APOB: variants seen among roughly 807,000 people sequenced by gnomAD.
APOB encodes apolipoprotein B, also known as apolipoprotein B-100.
In APOB, 153 loss-of-function variants were observed where a neutral mutation model predicts 314.1. That is an observed-to-expected ratio of 0.49 (90% confidence interval 0.43 to 0.56). The LOEUF (loss-of-function observed/expected upper bound fraction) is 0.56. Among genes scored for constraint, APOB ranks in the 20% least tolerant of loss-of-function variants. The pLI is 0.00. For missense variants in APOB, 5,430 were observed against 5,350.7 expected, an observed-to-expected ratio of 1.01 and a Z score of -0.46; for synonymous variants, 2,087 against 2,036.4, an observed-to-expected ratio of 1.02 and a Z score of -0.67.
At chr2:21,031,076 A>G (rs937149487) in intron 10 of APOB, among the ~76,000 whole-genome samples, 1 of 152,252 alleles carries the variant, frequency 6.6e-6, no homozygotes, top group African/African-American at 2.4e-5. Flanking sequence ...TAGAACTACC[A>G]ATAAATCCAA....
intron 20 of APOB, among the ~76,000 whole-genome samples, chr2:21,018,520 T>C (rs1663529282): frequency 6.6e-6 from 1 of 152,218 alleles, no homozygotes; most frequent in Non-Finnish European, 1.5e-5. Context: ...TCAGGGCCTT[T>C]GCACTTGCTG....
chr2:21,027,794 A>G lies in APOB; in HGVS notation c.2067+34T>C, dbSNP rs373455738. The G allele has an allele frequency of 2.4e-5, 37 of 1,524,474 alleles. No individual in the cohort carries two copies. The African/African-American group carries it at 4.7e-4, about 19-fold the overall frequency. The allele number at this position is 1,524,474 out of a possible 1,614,324, so 94.4% of individuals were successfully genotyped here. A position where few individuals can be genotyped will look rare whatever the true frequency, so the allele number is the denominator to read the frequency against. ...CTCTCTGTTTATGATGCTGTACAAA[A>G]TGGGCTAGAGAACCTCAAACTCTTC... On this transcript the variant is annotated intron_variant, in intron 14 of 28. Coordinates refer to ENST00000233242, the MANE Select transcript of APOB (RefSeq NM_000384.3).
chr2:21,007,617 TGCTGG>T lies in APOB; in HGVS notation c.9246_9250del (p.Gln3083SerfsTer8). 6.2e-7 allele frequency: 1 copy of T among 1,614,094 alleles called. No homozygotes were observed. The highest frequency in any genetic ancestry group is 8.5e-7 in the Non-Finnish European group (1 of 1,179,946). On this transcript the variant is annotated frameshift_variant, in exon 26 of 29. Coordinates refer to ENST00000233242, the MANE Select transcript of APOB (RefSeq NM_000384.3). LOFTEE classifies it high-confidence loss of function. ...CCTAGCACTTACTTGCCAACTTGCT[TGCTGG>T]GCACTGGGACTCAGAAACAGTGCAT...
Position 21,024,957 on chromosome 2 carries a change from G to A in APOB, c.2412C>T (p.Arg804=), listed in dbSNP as rs755974543. The change falls in exon 16 of 29, where the codon CGC becomes CGT. Residue 804 remains arginine (R), a synonymous_variant. Transcript: ENST00000233242. ...CCATCTGGGGGATCCCCTGCAGAGTGCGGGCACCCATCAGAAGCAGCTTTC... is the reference window on the plus strand; with the variant it reads ...CCATCTGGGGGATCCCCTGCAGAGTACGGGCACCCATCAGAAGCAGCTTTC... ...LLGKLLLMGA[R]TLQGIPQMIG... 1.4e-5 allele frequency: 23 copies of A among 1,614,046 alleles called. No homozygotes were observed. In the Middle Eastern group the frequency reaches 4.9e-4, roughly 35 times the overall value.
chr2:21,035,640 C>A lies in APOB; in HGVS notation c.762G>T (p.Lys254Asn), dbSNP rs775651131. Residue 254 changes from lysine (K) to asparagine (N), a missense_variant, in exon 7 of 29, where the codon AAG (lysine) becomes AAT (asparagine). Physicochemically the swap from Lys to Asn is moderately conservative, Grantham distance 94 (BLOSUM62 0). Around this residue, in one of 3 missense-constraint regions of APOB, gnomAD observed 2,085 missense variants for 2,079.7 expected, o/e 1.00. Transcript: ENST00000233242. ...CCTTGCAGATGGCTTCTGCCACATG[C>A]TTCCTCTTAGCGTCCAGTGTGTACT... is the stretch of plus-strand genomic sequence containing the variant. The part of the protein sequence containing the change: ...SCQYTLDAKR[K>N]HVAEAICKEQ... 1 of 1,614,166 alleles carries A rather than the reference C, an allele frequency of 6.2e-7. No individual in the cohort carries two copies. Among genetic ancestry groups the A allele is most frequent in the East Asian group, 2.2e-5 (1 of 44,876 alleles).
chr2:21,020,499 CT>C (rs1281325561), intron 18 of APOB, among the ~76,000 whole-genome samples: 3 of 152,192 alleles, frequency 2.0e-5, no homozygotes, highest in Non-Finnish European at 2.9e-5. Context: ...TAATGCCCTC[CT>C]TGCTCCTACA....
rs139929439 is a variant in APOB at position 21,006,392 on chromosome 2, A to T, written c.10476T>A (p.Ile3492=). The change falls in exon 26 of 29, where the codon ATT becomes ATA. Residue 3492 remains isoleucine (I), a synonymous_variant. Coordinates refer to ENST00000233242, the MANE Select transcript of APOB (RefSeq NM_000384.3). ...SLESLTSYFS[I]ESSTKGDVKG... The stretch of plus-strand genomic sequence containing the variant: ...TGACATCTCCTTTGGTAGATGACTC[A>T]ATGGAAAAGTAAGAGGTGAGGCTTT... 64 of 1,614,074 alleles carry T rather than the reference A, an allele frequency of 4.0e-5. No individual in the cohort carries two copies. The African/African-American group carries it at 7.6e-4, about 19-fold the overall frequency.
Position 21,002,598 on chromosome 2 carries a change from T to A in APOB, c.12824A>T (p.Asp4275Val), listed in dbSNP as rs145807061. The A allele has an allele frequency of 6.2e-7, 1 of 1,613,986 alleles. No individual in the cohort carries two copies. Among genetic ancestry groups the A allele is most frequent in the Non-Finnish European group, 8.5e-7 (1 of 1,179,988 alleles). Reference protein sequence around the residue: ...VISMYRELLKDLSKEAQEVFK... With the variant: ...VISMYRELLKVLSKEAQEVFK... ...TACCTCTTGGGCTTCTTTTGATAAATCTTTCAACAGTTCCCTATACATCGA... is the reference window on the plus strand; with the variant it reads ...TACCTCTTGGGCTTCTTTTGATAAAACTTTCAACAGTTCCCTATACATCGA... Residue 4275 changes from aspartate to valine, a missense_variant, in exon 29 of 29, where the codon GAT becomes GTT. Asp to Val is a radical substitution (Grantham distance 152, BLOSUM62 -3). Around this residue, in one of 3 missense-constraint regions of APOB, gnomAD observed 3,281 missense variants for 3,171.0 expected, o/e 1.03. Transcript: ENST00000233242.
Position 21,032,525 on chromosome 2 carries a change from A to G in APOB, c.1181T>C (p.Ile394Thr). Residue 394 changes from isoleucine (I) to threonine (T), a missense_variant, in exon 10 of 29, where the codon ATC (isoleucine) becomes ACC (threonine). This residue lies in a region of APOB where 2,085 missense variants were observed against 2,079.7 expected (regional missense o/e 1.00). Coordinates refer to ENST00000233242, the MANE Select transcript of APOB (RefSeq NM_000384.3). The stretch of plus-strand genomic sequence containing the variant: ...ATGCACACGTTTCAGCCACTGGAGG[A>G]TGTGAGTGGAGCACTGAGGCTGTCC... ...QCGQPQCSTH[I>T]LQWLKRVHAN... is the part of the protein sequence containing the mutation. 2 of 1,614,192 alleles carry G rather than the reference A, an allele frequency of 1.2e-6. No homozygotes were observed. Among genetic ancestry groups the G allele is most frequent in the Non-Finnish European group, 1.7e-6 (2 of 1,180,048 alleles).
intron 20 of APOB, among the ~76,000 whole-genome samples, chr2:21,016,852 T>C (rs1245925597): frequency 1.8e-4 from 28 of 151,924 alleles, no homozygotes; most frequent in South Asian, 4.2e-4. Context: ...GGCGCGTTGG[T>C]GGGTGCCTGT....
rs764360150 is a variant in APOB at position 21,009,384 on chromosome 2, C to A, written c.7484G>T (p.Trp2495Leu). The stretch of plus-strand genomic sequence containing the variant: ...TGCTGAACTTAAAGCCTCCTGTAAC[C>A]AATTGATGATTAAGGTTATTTTGGT... ...QDTKITLIIN[W>L]LQEALSSASL... The change falls in exon 26 of 29, where the codon TGG becomes TTG. Residue 2495 changes from tryptophan to leucine, a missense_variant. Transcript: ENST00000233242. The A allele has an allele frequency of 2.5e-6, 4 of 1,614,052 alleles. No homozygotes were observed. The East Asian group carries it at 8.9e-5, about 36-fold the overall frequency.
Position 21,006,358 on chromosome 2 carries a change from C to A in APOB, c.10510G>T (p.Val3504Phe), listed in dbSNP as rs138158833. ...SSTKGDVKGS[V>F]LSREYSGTIA... is the part of the protein sequence containing the mutation. ...GTTCCTGAATATTCCCGAGAAAGAA[C>A]CGAACCCTTGACATCTCCTTTGGTA... The change falls in exon 26 of 29, where the codon GTT (valine) becomes TTT (phenylalanine). Residue 3504 changes from valine to phenylalanine, a missense_variant. Coordinates refer to ENST00000233242, the MANE Select transcript of APOB (RefSeq NM_000384.3). 6.2e-7 allele frequency: 1 copy of A among 1,614,002 alleles called. No homozygotes were observed. Among genetic ancestry groups the A allele is most frequent in the Non-Finnish European group, 8.5e-7 (1 of 1,179,946 alleles).
At position 21,023,607 on chromosome 2, in the gene APOB, C is replaced by T. The variant is rs1245396413; in HGVS notation, c.2522G>A (p.Gly841Glu). The change falls in exon 17 of 29, where the codon GGA (glycine) becomes GAA (glutamate). Residue 841 changes from glycine (G) to glutamate (E), a missense_variant. Around this residue, in one of 3 missense-constraint regions of APOB, gnomAD observed 2,085 missense variants for 2,079.7 expected, o/e 1.00. Transcript: ENST00000233242. ...FMENAFELPTGAGLQLQISSS... is the reference protein window; with the variant it reads ...FMENAFELPTEAGLQLQISSS... ...AGATATTTGCAACTGTAATCCAGCTCCAGTGGGGAGTTCAAAGGCATTCTC... is the reference window on the plus strand; with the variant it reads ...AGATATTTGCAACTGTAATCCAGCTTCAGTGGGGAGTTCAAAGGCATTCTC... 6.2e-7 allele frequency: 1 copy of T among 1,614,014 alleles called. No homozygotes were observed. Among genetic ancestry groups the T allele is most frequent in the Non-Finnish European group, 8.5e-7 (1 of 1,180,022 alleles).
At position 21,003,176 on chromosome 2, in the gene APOB, A is replaced by G. The variant is rs1265226204; in HGVS notation, c.12246T>C (p.Tyr4082=). ...DNVPKATGVL[Y]DYVNKYHWEH... is the part of the protein sequence containing the mutation. ...CCCAGTGGTACTTGTTGACATAATC[A>G]TAAAGGACCCCTGTGGCCTTGGGCA... Residue 4082 remains tyrosine (Y), a synonymous_variant, in exon 29 of 29, where the codon TAT becomes TAC. Coordinates refer to ENST00000233242, the MANE Select transcript of APOB (RefSeq NM_000384.3). 1.2e-6 allele frequency: 2 copies of G among 1,614,032 alleles called. No homozygotes were observed. The highest frequency in any genetic ancestry group is 2.2e-5 in the South Asian group (2 of 91,070).
At chr2:21,026,252 C>CTT (rs35046475) in intron 15 of APOB, among the ~76,000 whole-genome samples, 1 of 145,526 alleles carries the variant, frequency 6.9e-6, no homozygotes. Context: ...AGAGTTCATA[C>CTT]TTTTTTTTTT....
Position 21,010,998 on chromosome 2 carries a change from C to T in APOB, c.5870G>A (p.Arg1957Lys), listed in dbSNP as rs868467341. ...KGSTSHHLVS[R>K]KSISAALEHK... ...TTCAAGAGCTGCACTGATGCTTTTC[C>T]TAGACACGAGATGATGACTTGTGGA... Residue 1957 changes from arginine to lysine, a missense_variant, in exon 26 of 29, where the codon AGG becomes AAG. Arg to Lys is a conservative substitution (Grantham distance 26, BLOSUM62 2). This residue lies in a region of APOB where 3,281 missense variants were observed against 3,171.0 expected (regional missense o/e 1.03). Coordinates refer to ENST00000233242, the MANE Select transcript of APOB (RefSeq NM_000384.3). 7 of 1,614,032 alleles carry T rather than the reference C, an allele frequency of 4.3e-6. No individual in the cohort carries two copies. Among genetic ancestry groups the T allele is most frequent in the Non-Finnish European group, 5.9e-6 (7 of 1,180,018 alleles).
At chr2:21,028,147 C>G in intron 13 of APOB, 82 bp from the exon 14 acceptor site, 1 of 1,187,862 alleles carries the variant, frequency 8.4e-7, no homozygotes, top group Non-Finnish European at 1.3e-6. Context: ...ATATGGATTT[C>G]CAATCACTAC....
Position 21,008,182 on chromosome 2 carries a change from G to A in APOB, c.8686C>T (p.Pro2896Ser). The change falls in exon 26 of 29, where the codon CCC becomes TCC. Residue 2896 changes from proline (P) to serine (S), a missense_variant. Physicochemically the swap from Pro to Ser is moderately conservative, Grantham distance 74. Around this residue, in one of 3 missense-constraint regions of APOB, gnomAD observed 3,281 missense variants for 3,171.0 expected, o/e 1.03. Transcript: ENST00000233242. ...NTKYFHKLNI[P>S]KLDFSSQADL... ...GCCTGACTAGAGAAGTCCAGTTTGG[G>A]GATGTTCAATTTGTGGAAGTATTTA... The A allele has an allele frequency of 6.2e-7, 1 of 1,614,020 alleles. No homozygotes were observed. The highest frequency in any genetic ancestry group is 8.5e-7 in the Non-Finnish European group (1 of 1,179,970).
intron 18 of APOB, among the ~76,000 whole-genome samples, chr2:21,020,820 G>C (rs958019614): frequency 6.6e-6 from 1 of 152,152 alleles, no homozygotes. Context: ...CCTACCCATG[G>C]GGTGATCTCC....
Sources: gnomAD v4.1 joint callset for allele counts (sites outside exome capture counted in the v4.1 genomes callset) on GRCh38, gnomAD v4.1.1 for gene constraint, gnomAD v4.1.1 regional missense constraint, MANE v1.5 for transcripts, NCBI Gene and HGNC (gene_info 2026-07-23, HGNC 2026-07-21) for gene names.